MMP15: variants seen among roughly 807,000 people sequenced by gnomAD.
The protein encoded by MMP15 is matrix metalloproteinase-15.
Under a neutral mutation model 65.0 loss-of-function variants are expected in MMP15, and 36 were observed. The observed-to-expected ratio is 0.55, with a 90% CI of 0.42 to 0.73. The LOEUF (loss-of-function observed/expected upper bound fraction) is 0.73, where lower values mean the gene tolerates loss of function less well. Ranked by LOEUF, MMP15 falls within the 30% of genes least tolerant of loss-of-function variation. The pLI, the probability that MMP15 is intolerant of heterozygous loss-of-function variation, is 0.00. For synonymous variants in MMP15, 428 were observed against 410.2 expected (o/e 1.04, Z -0.52); for missense variants, 870 against 987.8 (o/e 0.88, Z 1.60).
At position 58,033,436 on chromosome 16, in the gene MMP15, C is replaced by T. The variant is rs1224748163; in HGVS notation, c.163-4036C>T. ...TCTACCCTTCAGGAGTGGCTGTGAG[C>T]ATTCAGTGGGGGCTGGAATGGGTGG... On this transcript the variant is annotated intron_variant, in intron 1 of 9. Coordinates refer to ENST00000219271, the MANE Select transcript of MMP15 (RefSeq NM_002428.4). Among the ~76,000 whole-genome samples, 3 of 152,224 alleles carry T rather than the reference C, an allele frequency of 2.0e-5. 1 individual carries two copies. The highest frequency in any genetic ancestry group is 2.0e-4 in the Admixed American group (3 of 15,284).
chr16:58,026,898 C>T (rs1478724158), intron 1 of MMP15, among the ~76,000 whole-genome samples: 2 of 152,206 alleles, frequency 1.3e-5, no homozygotes, highest in African/African-American at 4.8e-5. Context: ...CGCGCAGTGG[C>T]GCTCTTTGCG....
At chr16:58,030,899 G>A (rs1352862360) in intron 1 of MMP15, among the ~76,000 whole-genome samples, 1 of 152,024 alleles carries the variant, frequency 6.6e-6, no homozygotes, top group African/African-American at 2.4e-5. Flanking sequence ...CTGCTTGATG[G>A]AGTTACGGGG....
chr16:58,038,541 T>C, intron 3 of MMP15, 147 bp downstream of exon 3: 1 of 1,049,634 alleles, frequency 9.5e-7, no homozygotes, highest in Non-Finnish European at 1.4e-6. Context: ...CCAGGCAGTC[T>C]CCCTCGAGGG....
chr16:58,032,626 A>G (rs1959256545), intron 1 of MMP15, among the ~76,000 whole-genome samples: 1 of 152,204 alleles, frequency 6.6e-6, no homozygotes, highest in South Asian at 2.1e-4. Context: ...GCCTTCTGCA[A>G]GCTCCCTGGC....
rs556366492 is a variant in MMP15, at chr16:58,043,770, T to C, written c.1570+143T>C. On this transcript the variant is annotated intron_variant, in intron 9 of 9. Coordinates refer to ENST00000219271, the MANE Select transcript of MMP15 (RefSeq NM_002428.4). ...TGTGTCACGCTCTGGGCTGGGAGCT[T>C]ACCTAGCTTGACACCCTGGTCCTTC... 20 of 615,100 alleles carry C rather than the reference T, an allele frequency of 3.3e-5. 1 individual carries two copies. In the South Asian group the frequency reaches 4.6e-4, roughly 14 times the overall value. 38.1% of individuals were successfully genotyped at this position (615,100 alleles called of 1,614,324 possible). A position where few individuals can be genotyped will look rare whatever the true frequency, so the allele number is the denominator to read the frequency against.
chr16:58,040,849 G>A (rs1313723690), intron 5 of MMP15, 151 bp downstream of exon 5: 2 of 1,193,994 alleles, frequency 1.7e-6, no homozygotes, highest in African/African-American at 1.5e-5. Context: ...GGGAATAAAT[G>A]GTGGTACTGG....
intron 2 of MMP15, among the ~76,000 whole-genome samples, chr16:58,037,933 A>G (rs1460210754): frequency 2.0e-5 from 3 of 152,176 alleles, no homozygotes; most frequent in East Asian, 1.9e-4. Flanking sequence ...AGGCATGGCT[A>G]TGAATCTAAC....
At position 58,041,788 on chromosome 16, in the gene MMP15, G is replaced by T. The variant is rs376327026; in HGVS notation, c.1082G>T (p.Arg361Leu). 1 of 1,611,764 alleles carries T rather than the reference G, an allele frequency of 6.2e-7. No homozygotes were observed. The highest frequency in any genetic ancestry group is 2.2e-5 in the East Asian group (1 of 44,826). ...CCAGTCCAGCCCCGAGCCACAGAGC[G>T]GCCCGACCAGTATGGCCCCAACATC... ...GPPVQPRATE[R>L]PDQYGPNICD... The change falls in exon 6 of 10, where the codon CGG (arginine) becomes CTG (leucine). Residue 361 changes from arginine (R) to leucine (L), a missense_variant. Transcript: ENST00000219271.
Position 58,026,527 on chromosome 16 carries a change from C to T in MMP15, c.162+15C>T. ...TCCATGCCGAGGTAAGACCCCCGCC[C>T]TGCCCTTTGGCTGCGGGCTGGGGGC... is the stretch of plus-strand genomic sequence containing the variant. On this transcript the variant is annotated intron_variant, in intron 1 of 9. Coordinates refer to ENST00000219271, the MANE Select transcript of MMP15 (RefSeq NM_002428.4). The T allele has an allele frequency of 3.0e-6, 4 of 1,316,994 alleles. No homozygotes were observed. Among genetic ancestry groups the T allele is most frequent in the South Asian group, 2.0e-5 (1 of 49,628 alleles). The allele number at this position is 1,316,994 out of a possible 1,614,324, so 81.6% of individuals were successfully genotyped here.
rs545073849 is a variant in MMP15, at chr16:58,030,855, A to G, written c.162+4343A>G. Among the ~76,000 whole-genome samples the G allele has an allele frequency of 3.9e-5, 6 of 152,260 alleles. No homozygotes were observed. The East Asian group carries it at 9.7e-4, about 25-fold the overall frequency. On this transcript the variant is annotated intron_variant, in intron 1 of 9. Transcript: ENST00000219271. ...AGTCACTGAATCTGTATGAACTTCA[A>G]GATCTCTATAAAAAGGGAATAGCAA...
intron 2 of MMP15, 136 bp downstream of exon 2, chr16:58,037,756 C>G (rs1959365341): frequency 2.3e-6 from 3 of 1,295,310 alleles, no homozygotes; most frequent in African/African-American, 1.5e-5. Context: ...TCCTCCATGT[C>G]ACTTCTGATT....
intron 3 of MMP15, among the ~76,000 whole-genome samples, 193 bp downstream of exon 3, chr16:58,038,587 C>T (rs1490214270): frequency 6.6e-6 from 1 of 152,220 alleles, no homozygotes; most frequent in Non-Finnish European, 1.5e-5. Flanking sequence ...CCACCCTGTC[C>T]TTCCCCACCC....
At chr16:58,031,380 C>T (rs1345213547) in intron 1 of MMP15, among the ~76,000 whole-genome samples, 2 of 152,150 alleles carry the variant, frequency 1.3e-5, no homozygotes, top group African/African-American at 4.8e-5. Flanking sequence ...GAGCCAAAAG[C>T]CCTCCCCCGG....
In MMP15 at chr16:58,026,170, C is replaced by G. The variant is rs1488778872; in HGVS notation, c.-181C>G. On this transcript the variant is annotated 5_prime_UTR_variant, in exon 1 of 10. Transcript: ENST00000219271. Reference sequence around the variant, plus strand: ...CTGGTTCCGAGCTCCCGGACCTGCCCTGCCCGCTTCTCCTCGGGCTTGGGA... The same window carrying G: ...CTGGTTCCGAGCTCCCGGACCTGCCGTGCCCGCTTCTCCTCGGGCTTGGGA... The G allele has an allele frequency of 8.4e-6, 5 of 596,836 alleles. No homozygotes were observed. The highest frequency in any genetic ancestry group is 7.1e-5 in the East Asian group (2 of 28,112). 37.0% of individuals were successfully genotyped at this position (596,836 alleles called of 1,614,324 possible). A position where few individuals can be genotyped will look rare whatever the true frequency, so the allele number is the denominator to read the frequency against.
chr16:58,039,668 T>G (rs1480163480), intron 3 of MMP15, among the ~76,000 whole-genome samples: 2 of 152,270 alleles, frequency 1.3e-5, no homozygotes, highest in Non-Finnish European at 2.9e-5. Context: ...AAAATCAGTT[T>G]ATTTGCCACA....
At position 58,046,530 on chromosome 16, in the gene MMP15, T is replaced by C. The variant is rs1008919972; in HGVS notation, c.*1084T>C. ...ACTGTGAACCCCACGAAGGAGCCCATTGTGGCCTAAGAGGCTGCCCTCCTG... is the reference window on the plus strand; with the variant it reads ...ACTGTGAACCCCACGAAGGAGCCCACTGTGGCCTAAGAGGCTGCCCTCCTG... On this transcript the variant is annotated 3_prime_UTR_variant, in exon 10 of 10. Transcript: ENST00000219271. 6.6e-6 allele frequency: 1 copy of C among 152,530 alleles called. No individual in the cohort carries two copies. The highest frequency in any genetic ancestry group is 1.5e-5 in the Non-Finnish European group (1 of 68,076). 9.4% of individuals were successfully genotyped at this position (152,530 alleles called of 1,614,324 possible).
intron 1 of MMP15, among the ~76,000 whole-genome samples, chr16:58,026,942 A>T (rs1202458236): frequency 6.6e-6 from 1 of 152,202 alleles, no homozygotes; most frequent in African/African-American, 2.4e-5. Flanking sequence ...GGACAGCCAC[A>T]GGCGGAGCAA....
intron 9 of MMP15, 119 bp from the exon 10 acceptor site, chr16:58,044,888 C>T: frequency 2.6e-6 from 3 of 1,149,134 alleles, no homozygotes; most frequent in Non-Finnish European, 3.8e-6. Flanking sequence ...TTTGAAAATA[C>T]TCAGGGAAGC....
At chr16:58,039,848 G>T (rs927948197) in intron 3 of MMP15, 27 bp from the exon 4 acceptor site, 5 of 1,568,678 alleles carry the variant, frequency 3.2e-6, no homozygotes, top group Non-Finnish European at 3.5e-6. Flanking sequence ...CCCTGCATCC[G>T]CTCACTCATC....
Sources: gnomAD v4.1 joint callset for allele counts (sites outside exome capture counted in the v4.1 genomes callset) on GRCh38, gnomAD v4.1.1 for gene constraint, MANE v1.5 for transcripts, NCBI Gene and HGNC (gene_info 2026-07-23, HGNC 2026-07-21) for gene names.